Variants in AGBL4 observed in about 807,000 individuals in gnomAD.
The protein encoded by AGBL4 is cytosolic carboxypeptidase 6.
In AGBL4, 58 loss-of-function variants were observed where a neutral mutation model predicts 66.4. That is an observed-to-expected ratio of 0.87 (90% confidence interval 0.71 to 1.09). The LOEUF is 1.09. AGBL4 is among the 50% of genes least tolerant of loss of function. The pLI is 0.00. For missense variants in AGBL4, 579 were observed against 631.0 expected (o/e 0.92, Z 0.88); for synonymous variants, 234 against 222.9 (o/e 1.05, Z -0.44).
chr1:48,720,620 T>C (rs1647130520), intron 6 of AGBL4, among the ~76,000 whole-genome samples: 1 of 152,212 alleles, frequency 6.6e-6, no homozygotes, highest in Non-Finnish European at 1.5e-5. Context: ...TGAACAGTGC[T>C]ACCACATAGT....
At chr1:49,898,853 A>G (rs1449863819) in intron 1 of AGBL4, among the ~76,000 whole-genome samples, 1 of 152,220 alleles carries the variant, frequency 6.6e-6, no homozygotes, top group Non-Finnish European at 1.5e-5. Context: ...TGTTAAGTGA[A>G]GTAAGCTAGG....
At chr1:48,777,193 G>A (rs1401110574) in intron 6 of AGBL4, among the ~76,000 whole-genome samples, 1 of 152,136 alleles carries the variant, frequency 6.6e-6, no homozygotes, top group Non-Finnish European at 1.5e-5. Flanking sequence ...AATAACAAGA[G>A]CATTGCAGGA....
At chr1:49,151,307 T>C (rs1188364810) in intron 4 of AGBL4, among the ~76,000 whole-genome samples, 3 of 150,210 alleles carry the variant, frequency 2.0e-5, no homozygotes, top group Non-Finnish European at 4.4e-5. Flanking sequence ...TATGTATATG[T>C]ATACACACAC....
At chr1:49,321,065 T>C (rs1385875835) in intron 3 of AGBL4, among the ~76,000 whole-genome samples, 1 of 152,064 alleles carries the variant, frequency 6.6e-6, no homozygotes, top group East Asian at 1.9e-4. Context: ...CAATTGAAGA[T>C]GAAAATTGGG....
At chr1:48,770,517 T>C (rs1644758838) in intron 6 of AGBL4, among the ~76,000 whole-genome samples, 1 of 152,132 alleles carries the variant, frequency 6.6e-6, no homozygotes, top group Non-Finnish European at 1.5e-5. Flanking sequence ...CTTGCACGCT[T>C]CTCTCACTCT....
At chr1:49,654,327 G>C (rs1417088064) in intron 3 of AGBL4, among the ~76,000 whole-genome samples, 4 of 152,200 alleles carry the variant, frequency 2.6e-5, no homozygotes, top group Admixed American at 1.3e-4. Flanking sequence ...ATTTGCTGAG[G>C]AGTGCTTTAT....
rs890852996 is a variant in AGBL4, at chr1:49,943,291, G to T, written c.34+80472C>A. Among the ~76,000 whole-genome samples, 23 of 152,146 alleles carry T rather than the reference G, an allele frequency of 1.5e-4. 1 individual carries two copies. The highest frequency in any genetic ancestry group is 5.6e-4 in the African/African-American group (23 of 41,432). ...GGCAGATGGGAGGCAGGAGTAGATT[G>T]CAGTTCCCACTCCGATGGACAGAGC... On this transcript the variant is annotated intron_variant, in intron 1 of 13. Coordinates refer to ENST00000371839, the MANE Select transcript of AGBL4 (RefSeq NM_032785.4).
intron 3 of AGBL4, among the ~76,000 whole-genome samples, chr1:49,252,678 A>T (rs2148340888): frequency 6.6e-6 from 1 of 152,342 alleles, no homozygotes; most frequent in East Asian, 1.9e-4. Flanking sequence ...GGTAACCTAC[A>T]AATGGAAGCC....
chr1:49,989,468 C>T (rs2148400230), intron 1 of AGBL4, among the ~76,000 whole-genome samples: 1 of 152,298 alleles, frequency 6.6e-6, no homozygotes, highest in South Asian at 2.1e-4. Context: ...GTGGTAGTTA[C>T]ATATCCAATA....
chr1:49,923,299 CA>C (rs1268232606), intron 1 of AGBL4, among the ~76,000 whole-genome samples: 3 of 152,148 alleles, frequency 2.0e-5, no homozygotes, highest in East Asian at 3.9e-4. Context: ...TTCCTTTTAC[CA>C]AATACAAAAA....
chr1:48,931,177 TA>T (rs1253256695), intron 5 of AGBL4, among the ~76,000 whole-genome samples: 1 of 152,194 alleles, frequency 6.6e-6, no homozygotes, highest in African/African-American at 2.4e-5. Context: ...TATGGTGAAC[TA>T]AAAATGATCT....
intron 3 of AGBL4, among the ~76,000 whole-genome samples, chr1:49,461,051 T>C (rs1646501050): frequency 6.6e-6 from 1 of 151,744 alleles, no homozygotes; most frequent in Non-Finnish European, 1.5e-5. Context: ...ATCTTGACTT[T>C]AGATAGCCTG....
intron 3 of AGBL4, among the ~76,000 whole-genome samples, chr1:49,334,703 C>T (rs909662720): frequency 6.6e-6 from 1 of 152,136 alleles, no homozygotes; most frequent in East Asian, 1.9e-4. Flanking sequence ...AAGTGATTCT[C>T]CCTAGGAATT....
intron 2 of AGBL4, among the ~76,000 whole-genome samples, chr1:49,700,298 AATAGATAGATAGATAGATAGATAG>A (rs59788309): frequency 3.4e-5 from 5 of 146,368 alleles, no homozygotes; most frequent in Admixed American, 6.9e-5. Flanking sequence ...AAAAACATTA[AATAGATAGATAGATAGATAGATAG>A]ATAGATAGAT....
chr1:49,251,844 C>T (rs552777961), intron 3 of AGBL4, among the ~76,000 whole-genome samples: 11 of 152,228 alleles, frequency 7.2e-5, no homozygotes, highest in South Asian at 4.1e-4. Context: ...CTACCAGAAA[C>T]GAAGCCAGTT....
intron 4 of AGBL4, among the ~76,000 whole-genome samples, chr1:49,100,732 G>A (rs1645185801): frequency 6.6e-6 from 1 of 152,130 alleles, no homozygotes; most frequent in Admixed American, 6.6e-5. Flanking sequence ...AGCAGAAACA[G>A]TTTTAAAACC....
intron 3 of AGBL4, among the ~76,000 whole-genome samples, chr1:49,548,223 A>G (rs997708747): frequency 1.3e-5 from 2 of 152,212 alleles, no homozygotes; most frequent in African/African-American, 4.8e-5. Context: ...AGGGTTTTCA[A>G]AGTAAACAAT....
chr1:48,789,919 G>C (rs1328263315), intron 6 of AGBL4, among the ~76,000 whole-genome samples: 3 of 152,138 alleles, frequency 2.0e-5, no homozygotes, highest in Non-Finnish European at 4.4e-5. Context: ...CCACTTCCTA[G>C]GTGGAGGCAG....
intron 3 of AGBL4, among the ~76,000 whole-genome samples, chr1:49,421,912 C>T (rs1021569415): frequency 4.6e-5 from 7 of 152,072 alleles, no homozygotes; most frequent in African/African-American, 1.2e-4. Context: ...CCAGTTCTAT[C>T]GATATAGATT....
Sources: allele counts gnomAD v4.1 joint callset (sites outside exome capture counted in the v4.1 genomes callset), GRCh38; gene constraint gnomAD v4.1.1; transcripts MANE v1.5; gene names NCBI Gene and HGNC (gene_info 2026-07-23, HGNC 2026-07-21).